The following PPFIBP1 variants were observed in gnomAD, a reference collection of about 807,000 sequenced individuals.
PPFIBP1 encodes the protein PPFIB scaffold protein 1.
A neutral mutation model predicts 137.8 loss-of-function variants in PPFIBP1; 112 were observed. The observed-to-expected ratio is 0.81, with a 90% confidence interval of 0.70 to 0.95. The LOEUF is 0.95. Among genes scored for constraint, PPFIBP1 ranks in the 40% least tolerant of loss-of-function variants. PPFIBP1 has a pLI of 0.00. For synonymous variants in PPFIBP1, 378 were observed against 417.3 expected (o/e 0.91, Z 1.15); for missense variants, 1,083 against 1,196.6 (o/e 0.91, Z 1.40).
intron 1 of PPFIBP1, among the ~76,000 whole-genome samples, chr12:27,563,870 T>C (rs1001024739): frequency 1.2e-4 from 8 of 66,406 alleles, no homozygotes; most frequent in Non-Finnish European, 2.8e-4. Context: ...AACACTTCCC[T>C]TTTTTTTTTT....
intron 7 of PPFIBP1, among the ~76,000 whole-genome samples, chr12:27,651,832 G>A (rs1593145768): frequency 6.6e-6 from 1 of 152,128 alleles, no homozygotes. Context: ...AGCGCCTAGG[G>A]TAATATTTAT....
chr12:27,581,546 CA>C, intron 2 of PPFIBP1, among the ~76,000 whole-genome samples: 1 of 152,190 alleles, frequency 6.6e-6, no homozygotes, highest in Non-Finnish European at 1.5e-5. Flanking sequence ...ATGTCATCCC[CA>C]AAGAAAAGCA....
intron 1 of PPFIBP1, among the ~76,000 whole-genome samples, chr12:27,565,129 G>A (rs1277197510): frequency 6.6e-6 from 1 of 152,184 alleles, no homozygotes; most frequent in Non-Finnish European, 1.5e-5. Context: ...AATCTCTAAG[G>A]ATGACATCAC....
intron 2 of PPFIBP1, among the ~76,000 whole-genome samples, chr12:27,588,646 T>C: frequency 6.6e-6 from 1 of 152,234 alleles, no homozygotes; most frequent in East Asian, 1.9e-4. Context: ...AAATAATCTT[T>C]ATTGCTGCAG....
intron 1 of PPFIBP1, among the ~76,000 whole-genome samples, chr12:27,561,751 TTC>T (rs2049182680): frequency 6.6e-6 from 1 of 152,152 alleles, no homozygotes; most frequent in African/African-American, 2.4e-5. Flanking sequence ...GCACTTGCTC[TTC>T]TCTCTGCTTG....
chr12:27,547,067 C>T (rs1946305962), intron 1 of PPFIBP1: 1 of 152,200 alleles, frequency 6.6e-6, no homozygotes, highest in Admixed American at 6.5e-5. Context: ...CAGTTTCATA[C>T]TTAGGTGGAA....
intron 1 of PPFIBP1, among the ~76,000 whole-genome samples, chr12:27,544,545 G>C (rs563871783): frequency 1.3e-5 from 2 of 152,080 alleles, no homozygotes; most frequent in East Asian, 3.9e-4. Context: ...AAATTTACAA[G>C]AAAAAAACAA....
At chr12:27,576,534 G>A (rs1475047802) in intron 1 of PPFIBP1, among the ~76,000 whole-genome samples, 1 of 152,178 alleles carries the variant, frequency 6.6e-6, no homozygotes, top group South Asian at 2.1e-4. Flanking sequence ...CAGAGCAGGA[G>A]ATGAGGGGGC....
At chr12:27,672,166 G>A (rs892151589) in intron 14 of PPFIBP1, among the ~76,000 whole-genome samples, 1 of 152,130 alleles carries the variant, frequency 6.6e-6, no homozygotes, top group Admixed American at 6.6e-5. Context: ...TCACAGTCAC[G>A]GGCTGTAAGT....
intron 1 of PPFIBP1, among the ~76,000 whole-genome samples, chr12:27,537,835 T>C (rs1731704749): frequency 6.6e-6 from 1 of 152,082 alleles, no homozygotes; most frequent in South Asian, 2.1e-4. Context: ...GATTCTTTGC[T>C]GTGGCAAAAT....
At chr12:27,588,027 G>A (rs555722003) in intron 2 of PPFIBP1, among the ~76,000 whole-genome samples, 186 of 152,260 alleles carry the variant, frequency 1.2e-3, no homozygotes, top group African/African-American at 4.3e-3. Flanking sequence ...ATGTTAACAT[G>A]TTTTAAAAGT....
chr12:27,647,787 T>A lies in PPFIBP1; in HGVS notation c.416T>A (p.Phe139Tyr). The change falls in exon 6 of 30, where the codon TTT (phenylalanine) becomes TAT (tyrosine). Residue 139 changes from phenylalanine to tyrosine, a missense_variant. Physicochemically the swap from Phe to Tyr is conservative, Grantham distance 22. Coordinates refer to ENST00000228425, the MANE Select transcript of PPFIBP1 (RefSeq NM_003622.4). ...GGAGAGAAGATTCGAGATTTGGAGT[T>A]TTGTCTTGAAGAGCACAGAGAGAAG... is the stretch of plus-strand genomic sequence containing the variant. The part of the protein sequence containing the change: ...AQGEKIRDLE[F>Y]CLEEHREKVN... 1 of 1,611,370 alleles carries A rather than the reference T, an allele frequency of 6.2e-7. No homozygotes were observed. Among genetic ancestry groups the A allele is most frequent in the Non-Finnish European group, 8.5e-7 (1 of 1,178,910 alleles).
In PPFIBP1 at chr12:27,656,625, G is replaced by T; in HGVS notation, c.706G>T (p.Ala236Ser). Residue 236 changes from alanine (A) to serine (S), a missense_variant, in exon 9 of 30, where the codon GCA becomes TCA. By Grantham distance (99) the Ala-to-Ser change is moderately conservative. Transcript: ENST00000228425. ...AATTTGTAACTTGTAGGATGAACTG[G>T]CATCTTTAAAAGAACAACTAGAAGA... ...KKLKSTKDEL[A>S]SLKEQLEEKE... is the part of the protein sequence containing the mutation. 6.3e-7 allele frequency: 1 copy of T among 1,599,858 alleles called. No individual in the cohort carries two copies. Among genetic ancestry groups the T allele is most frequent in the Non-Finnish European group, 8.6e-7 (1 of 1,167,588 alleles).
At chr12:27,549,008 C>T (rs180905593) in intron 1 of PPFIBP1, 1 of 152,188 alleles carries the variant, frequency 6.6e-6, no homozygotes, top group Non-Finnish European at 1.5e-5. Flanking sequence ...TATAAAAACA[C>T]CCACCTCTGA....
chr12:27,676,958 G>GGTGT, intron 18 of PPFIBP1, 106 bp from the exon 19 acceptor site: 1 of 1,443,030 alleles, frequency 6.9e-7, no homozygotes, highest in Non-Finnish European at 9.7e-7. Context: ...TCTCCTCCAC[G>GGTGT]GTGTGTATTT....
intron 1 of PPFIBP1, among the ~76,000 whole-genome samples, chr12:27,532,657 C>T (rs1592283309): frequency 6.6e-6 from 1 of 152,056 alleles, no homozygotes; most frequent in East Asian, 1.9e-4. Context: ...TGGGATTTGA[C>T]TGGGTCTTAA....
At chr12:27,532,985 A>G (rs1944573834) in intron 1 of PPFIBP1, among the ~76,000 whole-genome samples, 1 of 152,122 alleles carries the variant, frequency 6.6e-6, no homozygotes, top group African/African-American at 2.4e-5. Flanking sequence ...ACCCTAAATC[A>G]AGAATGGCCC....
chr12:27,612,118 G>A (rs2055183050), intron 2 of PPFIBP1, among the ~76,000 whole-genome samples: 4 of 152,146 alleles, frequency 2.6e-5, no homozygotes, highest in Admixed American at 2.6e-4. Context: ...TTTATTGCAA[G>A]AACTTGCAGC....
intron 1 of PPFIBP1, chr12:27,547,269 C>T (rs1246798883): frequency 1.3e-5 from 2 of 152,176 alleles, no homozygotes; most frequent in African/African-American, 4.8e-5. Context: ...TGCTAGGTCT[C>T]GCCGCCTTTA....
Sources: allele counts gnomAD v4.1 joint callset (sites outside exome capture counted in the v4.1 genomes callset), GRCh38; gene constraint gnomAD v4.1.1; transcripts MANE v1.5; gene names NCBI Gene and HGNC (gene_info 2026-07-23, HGNC 2026-07-21).